SPTAN1: variants seen among roughly 807,000 people sequenced by gnomAD.
SPTAN1 encodes spectrin alpha, non-erythrocytic 1.
SPTAN1 carries 61 observed loss-of-function variants against 331.3 expected under a neutral mutation model. That is an observed-to-expected ratio of 0.18 (90% confidence interval 0.15 to 0.23). The LOEUF (loss-of-function observed/expected upper bound fraction) is 0.23. Ranked by LOEUF, SPTAN1 falls within the 10% of genes least tolerant of loss-of-function variation. The pLI, the probability that SPTAN1 is intolerant of heterozygous loss-of-function variation, is 1.00. For synonymous variants in SPTAN1, 1,153 were observed against 1,173.9 expected (o/e 0.98, Z 0.36); for missense variants, 2,043 against 3,147.9 (o/e 0.65, Z 8.40).
chr9:128,589,134 T>G (rs1168798167), intron 21 of SPTAN1, among the ~76,000 whole-genome samples, 191 bp downstream of exon 21: 3 of 152,138 alleles, frequency 2.0e-5, no homozygotes, highest in African/African-American at 7.2e-5. Flanking sequence ...TTAATCTGTC[T>G]TCTTGAATAC....
At position 128,619,112 on chromosome 9, in the gene SPTAN1, A is replaced by G. The variant is rs1399791207; in HGVS notation, c.5733+109A>G. The G allele has an allele frequency of 4.6e-6, 7 of 1,510,732 alleles. No individual in the cohort carries two copies. The Admixed American group carries it at 1.1e-4, about 24-fold the overall frequency. The allele number at this position is 1,510,732 out of a possible 1,614,324, so 93.6% of individuals were successfully genotyped here. A position where few individuals can be genotyped will look rare whatever the true frequency, so the allele number is the denominator to read the frequency against. The stretch of plus-strand genomic sequence containing the variant: ...GGCCCTGCTCTTACTAGGAGAGCAC[A>G]CAGGGCCAGCAGCCAAGGCCTCAGT... On this transcript the variant is annotated intron_variant, in intron 44 of 56. Transcript: ENST00000372739.
rs140911233 is a variant in SPTAN1 at position 128,607,335 on chromosome 9, G to A, written c.4047-269G>A. Among the ~76,000 whole-genome samples the A allele has an allele frequency of 9.9e-5, 15 of 152,214 alleles. No individual in the cohort carries two copies. In the East Asian group the frequency reaches 2.1e-3, roughly 22 times the overall value. On this transcript the variant is annotated intron_variant, in intron 31 of 56. Coordinates refer to ENST00000372739, the MANE Select transcript of SPTAN1 (RefSeq NM_001130438.3). ...AGCTTTTTCATTTGAAGCTATCAAA[G>A]ACTTAATTGTAGCTAGAACTTGTTA... is the stretch of plus-strand genomic sequence containing the variant.
Position 128,594,390 on chromosome 9 carries a change from G to A in SPTAN1, c.3414+17G>A, listed in dbSNP as rs767504664. 3 of 1,601,726 alleles carry A rather than the reference G, an allele frequency of 1.9e-6. No individual in the cohort carries two copies. The highest frequency in any genetic ancestry group is 2.6e-6 in the Non-Finnish European group (3 of 1,170,198). ...TTCCAGAAGGTATGGGCAGTCTTCA[G>A]GCTCAGCTGAAAATTTGTTTAAAGA... is the stretch of plus-strand genomic sequence containing the variant. On this transcript the variant is annotated intron_variant, in intron 24 of 56. Transcript: ENST00000372739.
At chr9:128,558,275 A>G (rs1848888784) in intron 1 of SPTAN1, among the ~76,000 whole-genome samples, 1 of 152,246 alleles carries the variant, frequency 6.6e-6, no homozygotes, top group Non-Finnish European at 1.5e-5. Context: ...TACTTGCTGA[A>G]TGATGCAGCT....
At chr9:128,576,109 T>C (rs1331978714) in intron 5 of SPTAN1, among the ~76,000 whole-genome samples, 1 of 152,212 alleles carries the variant, frequency 6.6e-6, no homozygotes, top group Non-Finnish European at 1.5e-5. Context: ...TTCCTGCGGT[T>C]GAGCTTGAGA....
intron 5 of SPTAN1, 120 bp downstream of exon 5, chr9:128,575,465 T>A (rs1272587712): frequency 8.9e-7 from 1 of 1,127,070 alleles, no homozygotes. Context: ...TTTGTAAGCA[T>A]GTCTGAGAGT....
At chr9:128,580,456 G>A (rs2131078381) in intron 10 of SPTAN1, among the ~76,000 whole-genome samples, 1 of 151,714 alleles carries the variant, frequency 6.6e-6, no homozygotes, top group Non-Finnish European at 1.5e-5. Context: ...ATGTTTTTTA[G>A]TATTACATAG....
intron 2 of SPTAN1, among the ~76,000 whole-genome samples, chr9:128,568,126 A>G (rs910295203): frequency 6.6e-6 from 1 of 152,226 alleles, no homozygotes; most frequent in East Asian, 1.9e-4. Flanking sequence ...ATTTTTAAAG[A>G]AAATTGTTTC....
chr9:128,557,104 C>T (rs999770467), intron 1 of SPTAN1, among the ~76,000 whole-genome samples: 64 of 152,304 alleles, frequency 4.2e-4, no homozygotes, highest in African/African-American at 1.5e-3. Context: ...TGATCTTTTG[C>T]TTTGGGTGAT....
intron 1 of SPTAN1, among the ~76,000 whole-genome samples, chr9:128,565,051 T>A (rs750012433): frequency 3.9e-5 from 6 of 152,210 alleles, no homozygotes; most frequent in Non-Finnish European, 8.8e-5. Flanking sequence ...ACACCTGTAA[T>A]TCCAGCCCTT....
intron 26 of SPTAN1, chr9:128,599,199 A>C: frequency 1.7e-6 from 1 of 581,210 alleles, no homozygotes; most frequent in Admixed American, 2.6e-5. Context: ...CAGTGGTGTG[A>C]TCTTGGCTCA....
intron 1 of SPTAN1, among the ~76,000 whole-genome samples, chr9:128,558,301 C>T (rs753811545): frequency 3.3e-5 from 5 of 152,198 alleles, no homozygotes; most frequent in African/African-American, 9.7e-5. Flanking sequence ...TTGACTGCTG[C>T]GTTGCAGCAT....
intron 37 of SPTAN1, among the ~76,000 whole-genome samples, chr9:128,610,783 C>T (rs554828882): frequency 1.3e-5 from 2 of 152,288 alleles, no homozygotes; most frequent in Non-Finnish European, 2.9e-5. Context: ...AAAATAAATT[C>T]CTTCCTGCAG....
chr9:128,599,492 T>C (rs2131460207), intron 26 of SPTAN1: 1 of 175,118 alleles, frequency 5.7e-6, no homozygotes, highest in East Asian at 1.5e-4. Flanking sequence ...GTTTTTTTTT[T>C]TTTCGGTCTT....
intron 28 of SPTAN1, among the ~76,000 whole-genome samples, chr9:128,603,880 G>A (rs1855484259): frequency 1.3e-5 from 2 of 152,224 alleles, no homozygotes; most frequent in Non-Finnish European, 2.9e-5. Flanking sequence ...TGCAGTGAGC[G>A]GCTTCCTTGC....
chr9:128,555,388 C>G (rs969499362), intron 1 of SPTAN1: 1 of 1,289,570 alleles, frequency 7.8e-7, no homozygotes, highest in Non-Finnish European at 1.0e-6. Flanking sequence ...GTTTCGTAAA[C>G]GCAGAGTCCA....
In SPTAN1 at chr9:128,624,444, C is replaced by T. The variant is rs762358113; in HGVS notation, c.5949C>T (p.Phe1983=). The T allele has an allele frequency of 1.4e-5, 23 of 1,613,790 alleles. No individual in the cohort carries two copies. In the African/African-American group the frequency reaches 2.3e-4, roughly 16 times the overall value. The stretch of plus-strand genomic sequence containing the variant: ...CGAAGCTGGATGAGAACTCGGCCTT[C>T]CTTCAGTTCAACTGGAAGGCGGACG... The part of the protein sequence containing the change: ...RKAKLDENSA[F]LQFNWKADVV... Residue 1983 remains phenylalanine (F), a synonymous_variant, in exon 46 of 57, where the codon TTC becomes TTT. Transcript: ENST00000372739.
At chr9:128,628,565 A>G (rs983625537) in intron 51 of SPTAN1, 1 of 208,882 alleles carries the variant, frequency 4.8e-6, no homozygotes, top group Non-Finnish European at 9.8e-6. Context: ...TGTCCCGCCC[A>G]GTCCCGGCAG....
At chr9:128,570,321 TA>T (rs1850511343) in intron 3 of SPTAN1, among the ~76,000 whole-genome samples, 6 of 34,168 alleles carry the variant, frequency 1.8e-4, no homozygotes, top group African/African-American at 6.4e-4. Context: ...TATATATATA[TA>T]TATATATATT....
Sources: gnomAD v4.1 joint callset for allele counts (sites outside exome capture counted in the v4.1 genomes callset) on GRCh38, gnomAD v4.1.1 for gene constraint, MANE v1.5 for transcripts, NCBI Gene and HGNC (gene_info 2026-07-23, HGNC 2026-07-21) for gene names.